Variants in ABI2 observed in about 807,000 individuals in gnomAD.
The protein encoded by ABI2 is abl interactor 2.
In ABI2, 25 loss-of-function variants were observed where a neutral mutation model predicts 59.2. The observed-to-expected ratio is 0.42, with a 90% CI of 0.31 to 0.59. The LOEUF is 0.59. ABI2 is among the 20% of genes least tolerant of loss of function. The pLI is 0.14. For missense variants in ABI2, 545 were observed against 681.8 expected (o/e 0.80, Z 2.23); for synonymous variants, 213 against 235.5 (o/e 0.90, Z 0.87).
At chr2:203,384,241 G>A (rs968500977) in intron 4 of ABI2, among the ~76,000 whole-genome samples, 4 of 151,024 alleles carry the variant, frequency 2.6e-5, no homozygotes, top group African/African-American at 9.8e-5. Flanking sequence ...ATATAAAAGT[G>A]GAATGTACCT....
intron 11 of ABI2, among the ~76,000 whole-genome samples, chr2:203,420,924 T>C (rs2098173736): frequency 9.0e-6 from 1 of 111,550 alleles, no homozygotes; most frequent in African/African-American, 3.5e-5. Context: ...TGAGAGGGCA[T>C]GGCTGTTTGG....
At chr2:203,331,022 TTAA>T (rs1251615020) in intron 1 of ABI2, among the ~76,000 whole-genome samples, 1 of 152,234 alleles carries the variant, frequency 6.6e-6, no homozygotes, top group African/African-American at 2.4e-5. Flanking sequence ...TAAATATTGA[TTAA>T]TATTAATTTA....
At chr2:203,329,541 T>C (rs996144721) in intron 1 of ABI2, among the ~76,000 whole-genome samples, 5 of 151,948 alleles carry the variant, frequency 3.3e-5, no homozygotes, top group African/African-American at 1.2e-4. Context: ...AAGGCACAGT[T>C]TGCAAAATCT....
chr2:203,351,782 C>T (rs1460203971), intron 1 of ABI2: 2 of 270,564 alleles, frequency 7.4e-6, no homozygotes, highest in South Asian at 3.4e-5. Flanking sequence ...GCAGTCCTCC[C>T]ACTGTGGCCT....
At chr2:203,348,910 T>C (rs1303093741) in intron 1 of ABI2, among the ~76,000 whole-genome samples, 1 of 152,024 alleles carries the variant, frequency 6.6e-6, no homozygotes, top group Non-Finnish European at 1.5e-5. Context: ...TGAAGGTGTT[T>C]TTTTTTGTTT....
intron 1 of ABI2, chr2:203,355,145 T>G (rs2091225346): frequency 5.3e-6 from 2 of 376,174 alleles, no homozygotes; most frequent in South Asian, 2.0e-5. Flanking sequence ...ATCCCATGCT[T>G]CTTTCTAGGC....
At chr2:203,345,702 C>T (rs1483514670) in intron 1 of ABI2, among the ~76,000 whole-genome samples, 1 of 151,838 alleles carries the variant, frequency 6.6e-6, no homozygotes, top group South Asian at 2.1e-4. Flanking sequence ...AGCCACCACG[C>T]CCAGCCCTAA....
chr2:203,339,935 C>T (rs182998013), intron 1 of ABI2, among the ~76,000 whole-genome samples: 31 of 152,252 alleles, frequency 2.0e-4, no homozygotes, highest in Non-Finnish European at 7.4e-5. Context: ...AGTCATCTGT[C>T]CCATCTGTAT....
In ABI2 at chr2:203,428,498, T is replaced by A. The variant is rs963686089; in HGVS notation, c.*1146T>A. 3 of 152,598 alleles carry A rather than the reference T, an allele frequency of 2.0e-5. No individual in the cohort carries two copies. The highest frequency in any genetic ancestry group is 7.2e-5 in the African/African-American group (3 of 41,420). 9.5% of individuals were successfully genotyped at this position (152,598 alleles called of 1,614,324 possible). A position where few individuals can be genotyped will look rare whatever the true frequency, so the allele number is the denominator to read the frequency against. On this transcript the variant is annotated 3_prime_UTR_variant, in exon 12 of 12. Transcript: ENST00000261018. Reference sequence around the variant, plus strand: ...TTGTATGATTGGACTCTTAAGTAGCTGCTGTTAGTCAGAATTAAAACCCAT... The same window carrying A: ...TTGTATGATTGGACTCTTAAGTAGCAGCTGTTAGTCAGAATTAAAACCCAT...
At chr2:203,371,277 G>A (rs2153060258) in intron 2 of ABI2, among the ~76,000 whole-genome samples, 1 of 152,224 alleles carries the variant, frequency 6.6e-6, no homozygotes, top group East Asian at 1.9e-4. Flanking sequence ...AAATTACTCT[G>A]AATTGTAATC....
chr2:203,365,928 C>A (rs187822044), intron 1 of ABI2, among the ~76,000 whole-genome samples: 32 of 151,918 alleles, frequency 2.1e-4, no homozygotes, highest in South Asian at 1.5e-3. Context: ...CGTGCCCGGC[C>A]GGGGCTGTTA....
intron 1 of ABI2, among the ~76,000 whole-genome samples, chr2:203,338,983 A>AATATATATATATATATATATAAATAT (rs2078200719): frequency 1.6e-4 from 2 of 12,336 alleles, no homozygotes; most frequent in African/African-American, 5.2e-4. Context: ...TATATATATA[A>AATATATATATATATATATATAAATAT]ATATATATAT....
chr2:203,380,389 GT>G lies in ABI2; in HGVS notation c.462+6del. ...GATATTGGACATGGAGTAAAGGTAG[GT>G]ATAATTTTTTTCAAGCTTTTAAAAG... On this transcript the variant is annotated splice_donor_region_variant and intron_variant, in intron 3 of 11. Coordinates refer to ENST00000261018, the MANE Select transcript of ABI2 (RefSeq NM_001375670.1). 6.7e-7 allele frequency: 1 copy of G among 1,489,422 alleles called. No individual in the cohort carries two copies. Among genetic ancestry groups the G allele is most frequent in the African/African-American group, 1.4e-5 (1 of 69,180 alleles). The allele number at this position is 1,489,422 out of a possible 1,614,324, so 92.3% of individuals were successfully genotyped here.
chr2:203,413,145 C>G (rs751388301), intron 10 of ABI2, among the ~76,000 whole-genome samples: 3 of 152,128 alleles, frequency 2.0e-5, no homozygotes, highest in African/African-American at 4.8e-5. Flanking sequence ...TCATTTTGAA[C>G]AAAAGTGGTT....
intron 6 of ABI2, 77 bp downstream of exon 6, chr2:203,394,923 C>A: frequency 6.6e-7 from 1 of 1,508,160 alleles, no homozygotes; most frequent in South Asian, 1.2e-5. Context: ...GTAAATCTCT[C>A]ATTTTCCAAG....
At chr2:203,372,153 G>C (rs2095272853) in intron 2 of ABI2, among the ~76,000 whole-genome samples, 1 of 151,748 alleles carries the variant, frequency 6.6e-6, no homozygotes, top group Non-Finnish European at 1.5e-5. Flanking sequence ...CTGCCTTCAA[G>C]CATCTGTTTA....
chr2:203,416,688 C>G (rs2097907813), intron 10 of ABI2, among the ~76,000 whole-genome samples: 1 of 152,154 alleles, frequency 6.6e-6, no homozygotes, highest in African/African-American at 2.4e-5. Flanking sequence ...TATTCAGTGT[C>G]CATTAGCATT....
intron 1 of ABI2, among the ~76,000 whole-genome samples, chr2:203,329,839 C>G (rs189731365): frequency 1.2e-3 from 183 of 152,004 alleles, no homozygotes; most frequent in African/African-American, 3.8e-3. Context: ...TAGGTTTGAG[C>G]AATTCTCATG....
chr2:203,415,331 T>A (rs1002960394), intron 10 of ABI2, among the ~76,000 whole-genome samples: 3 of 152,018 alleles, frequency 2.0e-5, no homozygotes, highest in African/African-American at 7.2e-5. Flanking sequence ...AAAATCCATT[T>A]AATTCACCGG....
Sources: gnomAD v4.1 joint callset for allele counts (sites outside exome capture counted in the v4.1 genomes callset) on GRCh38, gnomAD v4.1.1 for gene constraint, MANE v1.5 for transcripts, NCBI Gene and HGNC (gene_info 2026-07-23, HGNC 2026-07-21) for gene names.